Variants in FAM13C observed in about 807,000 individuals in gnomAD.
FAM13C encodes the protein family with sequence similarity 13 member C, also known as protein FAM13C.
Under a neutral mutation model 73.2 loss-of-function variants are expected in FAM13C, and 37 were observed. The ratio of observed to expected loss-of-function variants is 0.51; its 90% CI spans 0.39 to 0.67. FAM13C has a LOEUF of 0.67. Among genes scored for constraint, FAM13C ranks in the 30% least tolerant of loss-of-function variants. The pLI, the probability that FAM13C is intolerant of heterozygous loss-of-function variation, is 0.00. For missense variants in FAM13C, 589 were observed against 715.6 expected, an observed-to-expected ratio of 0.82 and a Z score of 2.02; for synonymous variants, 246 against 260.9, an observed-to-expected ratio of 0.94 and a Z score of 0.55.
chr10:59,310,876 CA>C (rs1848837935), intron 4 of FAM13C, among the ~76,000 whole-genome samples: 1 of 152,102 alleles, frequency 6.6e-6, no homozygotes, highest in African/African-American at 2.4e-5. Flanking sequence ...TCAGAATTTC[CA>C]GAAAAGTAGG....
chr10:59,322,419 T>C (rs1288590119), intron 4 of FAM13C, among the ~76,000 whole-genome samples: 4 of 152,158 alleles, frequency 2.6e-5, no homozygotes, highest in Non-Finnish European at 5.9e-5. Flanking sequence ...TCTGTGAAAG[T>C]GGGACATGAA....
At chr10:59,287,230 G>A (rs1467410929) in intron 5 of FAM13C, among the ~76,000 whole-genome samples, 2 of 143,824 alleles carry the variant, frequency 1.4e-5, no homozygotes, top group African/African-American at 5.2e-5. Flanking sequence ...CCAGCTACTC[G>A]GGAGTCTGAG....
In FAM13C at chr10:59,269,931, G is replaced by T. The variant is rs1044293423; in HGVS notation, c.771C>A (p.Ala257=). The T allele has an allele frequency of 2.0e-5, 33 of 1,613,858 alleles. No individual in the cohort carries two copies. In the African/African-American group the frequency reaches 4.4e-4, roughly 22 times the overall value. The stretch of plus-strand genomic sequence containing the variant: ...ACTGCTGAGTGCTGGGTGGAGATGG[G>T]GCTGACTCGGGGTCTAAGTTGAATC... The part of the protein sequence containing the change: ...SQRFNLDPES[A]PSPPSTQQFM... Residue 257 remains alanine, a synonymous_variant, in exon 7 of 14, where the codon GCC becomes GCA. Coordinates refer to ENST00000618804, the MANE Select transcript of FAM13C (RefSeq NM_198215.4).
intron 3 of FAM13C, among the ~76,000 whole-genome samples, chr10:59,340,363 C>T (rs1853332876): frequency 6.6e-6 from 1 of 152,082 alleles, no homozygotes; most frequent in Admixed American, 6.5e-5. Context: ...TACCTTGAGC[C>T]CATCCCTATC....
At chr10:59,266,057 G>A (rs1253237856) in intron 8 of FAM13C, among the ~76,000 whole-genome samples, 1 of 152,184 alleles carries the variant, frequency 6.6e-6, no homozygotes, top group African/African-American at 2.4e-5. Flanking sequence ...AAAAATTACT[G>A]GGAGGGTTAT....
At chr10:59,250,237 C>T (rs1439661781) in intron 13 of FAM13C, among the ~76,000 whole-genome samples, 2 of 151,926 alleles carry the variant, frequency 1.3e-5, no homozygotes, top group African/African-American at 4.8e-5. Context: ...AGCAGACAGT[C>T]CAGACAGACA....
intron 5 of FAM13C, among the ~76,000 whole-genome samples, chr10:59,287,698 G>C (rs917456456): frequency 7.2e-5 from 11 of 152,192 alleles, no homozygotes; most frequent in African/African-American, 2.4e-4. Context: ...AATGGTACTT[G>C]CTCTAAGGGA....
At chr10:59,279,918 AC>A (rs2133656585) in intron 6 of FAM13C, among the ~76,000 whole-genome samples, 1 of 152,276 alleles carries the variant, frequency 6.6e-6, no homozygotes, top group East Asian at 1.9e-4. Context: ...AGCCTGGTCA[AC>A]TTCTGATAAG....
intron 3 of FAM13C, among the ~76,000 whole-genome samples, chr10:59,349,772 A>T (rs1854785792): frequency 6.6e-6 from 1 of 152,180 alleles, no homozygotes; most frequent in South Asian, 2.1e-4. Flanking sequence ...CAAATAATAA[A>T]AATAATAATA....
At chr10:59,340,875 G>A (rs1853411295) in intron 3 of FAM13C, among the ~76,000 whole-genome samples, 1 of 151,756 alleles carries the variant, frequency 6.6e-6, no homozygotes, top group Non-Finnish European at 1.5e-5. Context: ...CGTTAAACTA[G>A]TTCAGGCTTT....
At chr10:59,265,623 AAC>A (rs199562070) in intron 8 of FAM13C, among the ~76,000 whole-genome samples, 3 of 152,088 alleles carry the variant, frequency 2.0e-5, no homozygotes, top group Admixed American at 1.3e-4. Context: ...GGTAAAAACA[AAC>A]ACACACACAC....
At chr10:59,266,456 G>C (rs1564496970) in intron 8 of FAM13C, among the ~76,000 whole-genome samples, 1 of 152,138 alleles carries the variant, frequency 6.6e-6, no homozygotes, top group African/African-American at 2.4e-5. Flanking sequence ...TGTCAGGAAG[G>C]GGAGCCTTAC....
chr10:59,362,490 CTGAT>C lies in FAM13C; in HGVS notation c.-34_-31del. On this transcript the variant is annotated 5_prime_UTR_variant, in exon 1 of 14. Coordinates refer to ENST00000618804, the MANE Select transcript of FAM13C (RefSeq NM_198215.4). The stretch of plus-strand genomic sequence containing the variant: ...CAAGTCTGGCCGGGGAGCCGTCTCC[CTGAT>C]TGCTCTCCGGGAGTTAGAGCACATA... 1 of 1,609,426 alleles carries C rather than the reference CTGAT, an allele frequency of 6.2e-7. No individual in the cohort carries two copies. The highest frequency in any genetic ancestry group is 8.5e-7 in the Non-Finnish European group (1 of 1,177,640).
At chr10:59,325,394 G>A (rs550188319) in intron 3 of FAM13C, among the ~76,000 whole-genome samples, 1 of 152,300 alleles carries the variant, frequency 6.6e-6, no homozygotes, top group Admixed American at 6.5e-5. Flanking sequence ...CAGCTGGGCA[G>A]AGCTGTGGGA....
intron 3 of FAM13C, among the ~76,000 whole-genome samples, chr10:59,340,787 A>G (rs746044106): frequency 6.6e-6 from 1 of 151,898 alleles, no homozygotes; most frequent in Non-Finnish European, 1.5e-5. Context: ...TTTATATTAG[A>G]TTGGTGCAAA....
At chr10:59,317,013 C>T (rs1849606645) in intron 4 of FAM13C, among the ~76,000 whole-genome samples, 1 of 151,758 alleles carries the variant, frequency 6.6e-6, no homozygotes, top group Non-Finnish European at 1.5e-5. Context: ...TGTATGTATA[C>T]ATCTATCTAT....
intron 3 of FAM13C, among the ~76,000 whole-genome samples, chr10:59,335,800 A>G (rs1298348960): frequency 1.3e-5 from 2 of 152,180 alleles, no homozygotes; most frequent in Non-Finnish European, 2.9e-5. Flanking sequence ...AAGCTCCATG[A>G]AGGCCACTCT....
rs1870546 is a variant in FAM13C at position 59,289,275 on chromosome 10, C to T, written c.508-5828G>A. Among the ~76,000 whole-genome samples, 568 of 152,300 alleles carry T rather than the reference C, an allele frequency of 3.7e-3. 5 individuals are homozygous for T. Among genetic ancestry groups the T allele is most frequent in the African/African-American group, 0.011 (475 of 41,558 alleles). On this transcript the variant is annotated intron_variant, in intron 5 of 13. Coordinates refer to ENST00000618804, the MANE Select transcript of FAM13C (RefSeq NM_198215.4). ...CTGCCCACTGCTCATCTTCTCGGGC[C>T]GTGCAGCCCAGGTCCTAACAGGCTA...
intron 1 of FAM13C, among the ~76,000 whole-genome samples, chr10:59,360,337 C>T (rs1376400211): frequency 1.3e-5 from 2 of 152,056 alleles, no homozygotes; most frequent in African/African-American, 2.4e-5. Context: ...TTTCAGGCAT[C>T]GAAGAAAATA....
Sources: gnomAD v4.1 joint callset for allele counts (sites outside exome capture counted in the v4.1 genomes callset) on GRCh38, gnomAD v4.1.1 for gene constraint, MANE v1.5 for transcripts, NCBI Gene and HGNC (gene_info 2026-07-23, HGNC 2026-07-21) for gene names.